PLXNA4: variants seen among roughly 807,000 people sequenced by gnomAD.
The protein encoded by PLXNA4 is plexin-A4.
Under a neutral mutation model 191.8 loss-of-function variants are expected in PLXNA4, and 44 were observed. The ratio of observed to expected loss-of-function variants is 0.23; its 90% CI spans 0.18 to 0.29. The LOEUF is 0.29. PLXNA4 is among the 10% of genes least tolerant of loss of function. PLXNA4 has a pLI of 1.00. For missense variants in PLXNA4, 1,800 were observed against 2,488.8 expected, an observed-to-expected ratio of 0.72 and a Z score of 5.89; for synonymous variants, 1,082 against 1,009.5, an observed-to-expected ratio of 1.07 and a Z score of -1.36.
intron 3 of PLXNA4, among the ~76,000 whole-genome samples, chr7:132,395,799 C>T (rs1034766790): frequency 6.6e-6 from 1 of 152,222 alleles, no homozygotes; most frequent in Non-Finnish European, 1.5e-5. Flanking sequence ...GACCAGGATC[C>T]CCATGGCCGG....
chr7:132,150,472 G>A (rs1452542121), intron 25 of PLXNA4, among the ~76,000 whole-genome samples: 2 of 152,152 alleles, frequency 1.3e-5, no homozygotes, highest in South Asian at 2.1e-4. Context: ...AGTGGCACCT[G>A]GTTAAGTCAG....
chr7:132,407,988 T>C (rs1403852943), intron 3 of PLXNA4, among the ~76,000 whole-genome samples: 1 of 151,918 alleles, frequency 6.6e-6, no homozygotes, highest in African/African-American at 2.4e-5. Flanking sequence ...GGCCTAGAAA[T>C]ACCGCTTCTG....
At chr7:132,482,890 AC>A (rs749525322) in intron 3 of PLXNA4, among the ~76,000 whole-genome samples, 1 of 151,910 alleles carries the variant, frequency 6.6e-6, no homozygotes, top group Non-Finnish European at 1.5e-5. Flanking sequence ...GCAGGGTTTT[AC>A]CACGTTGGTC....
intron 3 of PLXNA4, among the ~76,000 whole-genome samples, chr7:132,394,214 C>T (rs186801759): frequency 7.9e-5 from 12 of 152,276 alleles, no homozygotes; most frequent in African/African-American, 2.9e-4. Context: ...TCCTCTGAAG[C>T]GGGGCCCAGC....
At position 132,360,844 on chromosome 7, in the gene PLXNA4, C is replaced by T. The variant is rs547667560; in HGVS notation, c.1372-62622G>A. 3.3e-5 allele frequency among the ~76,000 whole-genome samples: 5 copies of T among 152,336 alleles called. No homozygotes were observed. The East Asian group carries it at 9.7e-4, about 29-fold the overall frequency. On this transcript the variant is annotated intron_variant, in intron 3 of 31. Transcript: ENST00000321063. ...TAGCCCCTGTCTTGTTCTTCTTCCA[C>T]CTCAAGTCTACCGAGTGCATTCTGC...
intron 1 of PLXNA4, among the ~76,000 whole-genome samples, chr7:132,541,018 G>T (rs1051072803): frequency 2.0e-5 from 3 of 152,218 alleles, no homozygotes; most frequent in Admixed American, 6.5e-5. Flanking sequence ...TGCCAGGAGT[G>T]AATGTAATCA....
chr7:132,281,102 T>C (rs1800462522), intron 4 of PLXNA4, among the ~76,000 whole-genome samples: 1 of 152,196 alleles, frequency 6.6e-6, no homozygotes, highest in Non-Finnish European at 1.5e-5. Flanking sequence ...ATTATTATAA[T>C]GGTAAGAGTG....
At chr7:132,393,597 CTG>C (rs1360817633) in intron 3 of PLXNA4, among the ~76,000 whole-genome samples, 1 of 152,212 alleles carries the variant, frequency 6.6e-6, no homozygotes, top group African/African-American at 2.4e-5. Context: ...CTACACAACA[CTG>C]TGCTAAGCAC....
At chr7:132,642,929 TA>T (rs1038451399) in intron 2 of PLXNA4, among the ~76,000 whole-genome samples, 36 of 152,086 alleles carry the variant, frequency 2.4e-4, no homozygotes, top group Non-Finnish European at 3.8e-4. Flanking sequence ...TAATTTGTGT[TA>T]AAAAATTAAT....
intron 3 of PLXNA4, among the ~76,000 whole-genome samples, chr7:132,310,723 G>A (rs1335072054): frequency 5.3e-5 from 8 of 152,172 alleles, no homozygotes; most frequent in African/African-American, 1.7e-4. Context: ...AGACAAGTGC[G>A]TATTACCTCA....
chr7:132,562,955 CT>C, intron 1 of PLXNA4, among the ~76,000 whole-genome samples: 1 of 36,894 alleles, frequency 2.7e-5, no homozygotes. Flanking sequence ...TCCTCCTCCT[CT>C]CCCTCCTCCT....
At chr7:132,403,556 C>T (rs565579944) in intron 3 of PLXNA4, among the ~76,000 whole-genome samples, 3 of 152,298 alleles carry the variant, frequency 2.0e-5, no homozygotes, top group Non-Finnish European at 2.9e-5. Flanking sequence ...TTACTGATCG[C>T]GTTTGCTTGC....
At chr7:132,588,807 A>G (rs531142251) in intron 2 of PLXNA4, among the ~76,000 whole-genome samples, 2 of 151,340 alleles carry the variant, frequency 1.3e-5, no homozygotes, top group African/African-American at 4.9e-5. Context: ...GAAAGAAAGA[A>G]AGAAAAAGAA....
chr7:132,329,506 G>A (rs530530389), intron 3 of PLXNA4, among the ~76,000 whole-genome samples: 1 of 152,222 alleles, frequency 6.6e-6, no homozygotes, highest in Non-Finnish European at 1.5e-5. Flanking sequence ...CACACTGCCT[G>A]TGCAGAAACC....
In PLXNA4 at chr7:132,449,944, G is replaced by A. The variant is rs1563105532; in HGVS notation, c.1371+39348C>T. Among the ~76,000 whole-genome samples, 10 of 152,348 alleles carry A rather than the reference G, an allele frequency of 6.6e-5. No individual in the cohort carries two copies. In the East Asian group the frequency reaches 1.9e-3, roughly 29 times the overall value. ...CAAACTTACAGAGCTCAGCGGCTGT[G>A]ACAGTCCCCCTGGGGGCCCTGGGCT... On this transcript the variant is annotated intron_variant, in intron 3 of 31. Transcript: ENST00000321063.
At chr7:132,626,616 C>G (rs74531192) in intron 2 of PLXNA4, among the ~76,000 whole-genome samples, 5,404 of 152,280 alleles carry the variant, frequency 0.035, 314 homozygotes, top group African/African-American at 0.12. Context: ...CCTGCTTCCA[C>G]TTTGCTTTCC....
chr7:132,421,660 A>G (rs576055749), intron 3 of PLXNA4, among the ~76,000 whole-genome samples: 1 of 152,298 alleles, frequency 6.6e-6, no homozygotes, highest in Non-Finnish European at 1.5e-5. Flanking sequence ...AAGAAATAAG[A>G]TGAAAGATAC....
intron 1 of PLXNA4, among the ~76,000 whole-genome samples, chr7:132,564,337 GCTCCTCCTCCTTCTCCTCTTTCTC>G (rs1746241660): frequency 3.6e-5 from 3 of 82,842 alleles, no homozygotes; most frequent in African/African-American, 1.5e-4. Context: ...TCCTTCTGCT[GCTCCTCCTCCTTCTCCTCTTTCTC>G]CTCCTCCTCC....
chr7:132,563,345 CTCT>C (rs1801441591), intron 1 of PLXNA4, among the ~76,000 whole-genome samples: 2 of 110,474 alleles, frequency 1.8e-5, no homozygotes, highest in African/African-American at 7.2e-5. Flanking sequence ...CCTTCTCCTC[CTCT>C]TTCTCCTCCT....
Sources: allele counts gnomAD v4.1 joint callset (sites outside exome capture counted in the v4.1 genomes callset), GRCh38; gene constraint gnomAD v4.1.1; transcripts MANE v1.5; gene names NCBI Gene and HGNC (gene_info 2026-07-23, HGNC 2026-07-21).